The following PIKFYVE variants were observed in gnomAD, a reference collection of about 807,000 sequenced individuals.
PIKFYVE encodes the protein 1-phosphatidylinositol 3-phosphate 5-kinase.
A neutral mutation model predicts 257.9 loss-of-function variants in PIKFYVE; 122 were observed. The ratio of observed to expected loss-of-function variants is 0.47; its 90% CI spans 0.41 to 0.55. The LOEUF is 0.55. PIKFYVE is among the 20% of genes least tolerant of loss of function. PIKFYVE has a pLI of 0.00. For missense variants in PIKFYVE, 2,160 were observed against 2,536.6 expected (o/e 0.85, Z 3.19); for synonymous variants, 892 against 868.9 (o/e 1.03, Z -0.47).
chr2:208,339,872 C>T, intron 30 of PIKFYVE, 139 bp from the exon 31 acceptor site: 2 of 1,062,888 alleles, frequency 1.9e-6, no homozygotes, highest in Non-Finnish European at 2.7e-6. Flanking sequence ...TGGTCTTTTC[C>T]CTTGATCAGA....
intron 8 of PIKFYVE, 32 bp downstream of exon 8, chr2:208,298,811 G>A (rs1312902203): frequency 6.2e-7 from 1 of 1,612,378 alleles, no homozygotes; most frequent in Non-Finnish European, 8.5e-7. Flanking sequence ...CCCATTGCTA[G>A]TTTTGAGCAT....
Position 208,339,300 on chromosome 2 carries a change from A to T in PIKFYVE, c.4673-118A>T, listed in dbSNP as rs947058410. 1.5e-5 allele frequency: 19 copies of T among 1,253,346 alleles called. No individual in the cohort carries two copies. The East Asian group carries it at 4.2e-4, about 28-fold the overall frequency. 77.6% of individuals were successfully genotyped at this position (1,253,346 alleles called of 1,614,324 possible). A position where few individuals can be genotyped will look rare whatever the true frequency, so the allele number is the denominator to read the frequency against. On this transcript the variant is annotated intron_variant, in intron 29 of 41. Transcript: ENST00000264380. ...GAGCTATATGACCTAGATGATTTTT[A>T]AAAAGTAAAAATTCTACCTTTTAGG...
Position 208,335,849 on chromosome 2 carries a change from C to A in PIKFYVE, c.4313C>A (p.Thr1438Lys). Residue 1438 changes from threonine (T) to lysine (K), a missense_variant, in exon 26 of 42, where the codon ACA (threonine) becomes AAA (lysine). Coordinates refer to ENST00000264380, the MANE Select transcript of PIKFYVE (RefSeq NM_015040.4). ...DERLASLKTD[T>K]FSKTREEKME... ...AGACTTGCATCTTTGAAAACTGATACATTTAGTAAAACAAGAGAGGAAAAA... is the reference window on the plus strand; with the variant it reads ...AGACTTGCATCTTTGAAAACTGATAAATTTAGTAAAACAAGAGAGGAAAAA... 1 of 1,612,674 alleles carries A rather than the reference C, an allele frequency of 6.2e-7. No homozygotes were observed. Among genetic ancestry groups the A allele is most frequent in the Non-Finnish European group, 8.5e-7 (1 of 1,179,230 alleles).
chr2:208,326,467 G>T, intron 20 of PIKFYVE, 38 bp downstream of exon 20: 2 of 1,597,372 alleles, frequency 1.3e-6, no homozygotes, highest in Non-Finnish European at 1.7e-6. Context: ...TGTGCATTTA[G>T]GATGTGTTGA....
rs1212218774 is a variant in PIKFYVE, at chr2:208,357,451, A to G, written c.*2146A>G. 1 of 152,264 alleles carries G rather than the reference A, an allele frequency of 6.6e-6. No individual in the cohort carries two copies. The highest frequency in any genetic ancestry group is 1.5e-5 in the Non-Finnish European group (1 of 68,052). 9.4% of individuals were successfully genotyped at this position (152,264 alleles called of 1,614,324 possible). ...ATGCTCCACAGGAATGGCTTCTGAC[A>G]ATAATCTGTCCTGTTGATTTTGTTT... On this transcript the variant is annotated 3_prime_UTR_variant, in exon 42 of 42. Coordinates refer to ENST00000264380, the MANE Select transcript of PIKFYVE (RefSeq NM_015040.4).
At chr2:208,332,053 A>C (rs1345363999) in intron 23 of PIKFYVE, among the ~76,000 whole-genome samples, 1 of 152,218 alleles carries the variant, frequency 6.6e-6, no homozygotes, top group Non-Finnish European at 1.5e-5. Flanking sequence ...GTTTTGTTAC[A>C]CTAAAATGAA....
At chr2:208,297,261 G>A (rs1693103949) in intron 7 of PIKFYVE, among the ~76,000 whole-genome samples, 1 of 152,074 alleles carries the variant, frequency 6.6e-6, no homozygotes, top group African/African-American at 2.4e-5. Flanking sequence ...GTGCAAGGAT[G>A]GTTAAAATGA....
At chr2:208,304,075 A>G (rs999982794) in intron 10 of PIKFYVE, 96 bp from the exon 11 acceptor site, 5 of 1,407,246 alleles carry the variant, frequency 3.6e-6, no homozygotes, top group African/African-American at 1.4e-5. Flanking sequence ...TGTTAGGTTC[A>G]TAGAAATATT....
chr2:208,355,104 T>G (rs1377571266), intron 41 of PIKFYVE, 86 bp from the exon 42 acceptor site: 1 of 1,020,426 alleles, frequency 9.8e-7, no homozygotes, highest in Non-Finnish European at 1.5e-6. Flanking sequence ...TATGGCAGTT[T>G]ATATGAAAGA....
chr2:208,267,119 G>T (rs1688738124), intron 1 of PIKFYVE, among the ~76,000 whole-genome samples: 5 of 152,216 alleles, frequency 3.3e-5, no homozygotes, highest in Admixed American at 3.3e-4. Flanking sequence ...GTGTGTATCT[G>T]ATGTGTATAC....
At chr2:208,345,269 A>ATCTGCAT (rs1699125466) in intron 33 of PIKFYVE, 75 bp downstream of exon 33, 1 of 1,263,868 alleles carries the variant, frequency 7.9e-7, no homozygotes, top group African/African-American at 1.5e-5. Flanking sequence ...CTTCAGTTTT[A>ATCTGCAT]TTACAGCATT....
intron 1 of PIKFYVE, among the ~76,000 whole-genome samples, chr2:208,268,049 G>C (rs1453820859): frequency 6.6e-6 from 1 of 152,160 alleles, no homozygotes; most frequent in Non-Finnish European, 1.5e-5. Context: ...TGGGTAGGTA[G>C]GTTAATAGGA....
intron 20 of PIKFYVE, among the ~76,000 whole-genome samples, chr2:208,327,116 A>G (rs1192891121): frequency 6.6e-6 from 1 of 152,202 alleles, no homozygotes; most frequent in African/African-American, 2.4e-5. Context: ...AGGAAGTGCT[A>G]AATAATAGTG....
chr2:208,324,488 T>C (rs569609760), intron 18 of PIKFYVE, among the ~76,000 whole-genome samples: 3 of 152,346 alleles, frequency 2.0e-5, no homozygotes, highest in Non-Finnish European at 1.5e-5. Context: ...GTAATACTTA[T>C]TGGTGTCTAC....
At chr2:208,318,192 A>C (rs1248436612) in intron 16 of PIKFYVE, among the ~76,000 whole-genome samples, 1 of 152,240 alleles carries the variant, frequency 6.6e-6, no homozygotes, top group Non-Finnish European at 1.5e-5. Flanking sequence ...CTAGATTAAC[A>C]GAATGATAAG....
chr2:208,331,170 C>G (rs1298165313), intron 23 of PIKFYVE, among the ~76,000 whole-genome samples: 3 of 151,984 alleles, frequency 2.0e-5, no homozygotes, highest in Non-Finnish European at 2.9e-5. Context: ...CAGATGAGAC[C>G]ATGTTGAAAT....
At chr2:208,353,753 A>G (rs1019337450) in intron 39 of PIKFYVE, 145 bp from the exon 40 acceptor site, 1 of 946,714 alleles carries the variant, frequency 1.1e-6, no homozygotes, top group South Asian at 1.5e-5. Context: ...AAACTTAAAA[A>G]TTATGATTCA....
In PIKFYVE at chr2:208,328,200, T is replaced by A. The variant is rs781390162; in HGVS notation, c.3639T>A (p.Ile1213=). The A allele has an allele frequency of 1.4e-4, 227 of 1,613,784 alleles. No individual in the cohort carries two copies. The highest frequency in any genetic ancestry group is 1.9e-4 in the Non-Finnish European group (220 of 1,179,846). Residue 1213 remains isoleucine, a synonymous_variant, in exon 21 of 42, where the codon ATT becomes ATA. Transcript: ENST00000264380. ...TTCAGGTGGACTGTCTGAATCCCAT[T>A]AATCACCAGAGACTTTGTGTGCTCT... ...WSTKVDCLNP[I]NHQRLCVLFS...
chr2:208,336,924 G>A lies in PIKFYVE; in HGVS notation c.4607G>A (p.Ser1536Asn), dbSNP rs1698195187. 1 of 1,607,596 alleles carries A rather than the reference G, an allele frequency of 6.2e-7. No homozygotes were observed. The highest frequency in any genetic ancestry group is 8.5e-7 in the Non-Finnish European group (1 of 1,174,666). ...GGAAGACTGAGACAAGGGGAAGAAA[G>A]CAAGGTATGAAATGTAGTCTTGTCT... ...SPGRLRQGEE[S>N]KISAMDASPR... is the part of the protein sequence containing the mutation. The change falls in exon 28 of 42, where the codon AGC (serine) becomes AAC (asparagine). Residue 1536 changes from serine (S) to asparagine (N), a missense_variant. Transcript: ENST00000264380.
Sources: allele counts gnomAD v4.1 joint callset (sites outside exome capture counted in the v4.1 genomes callset), GRCh38; gene constraint gnomAD v4.1.1; transcripts MANE v1.5; gene names NCBI Gene and HGNC (gene_info 2026-07-23, HGNC 2026-07-21).